The following DSCAM variants were observed in gnomAD, a reference collection of about 807,000 sequenced individuals.
The protein encoded by DSCAM is cell adhesion molecule DSCAM.
DSCAM carries 47 observed loss-of-function variants against 217.7 expected under a neutral mutation model. The ratio of observed to expected loss-of-function variants is 0.22; its 90% CI spans 0.17 to 0.28. DSCAM has a LOEUF of 0.28. Among genes scored for constraint, DSCAM ranks in the 10% least tolerant of loss-of-function variants. DSCAM has a pLI of 1.00. For missense variants in DSCAM, 2,080 were observed against 2,618.3 expected, an observed-to-expected ratio of 0.79 and a Z score of 4.49; for synonymous variants, 1,056 against 1,015.3, an observed-to-expected ratio of 1.04 and a Z score of -0.76.
intron 2 of DSCAM, among the ~76,000 whole-genome samples, chr21:40,704,893 T>G (rs999643995): frequency 1.3e-5 from 2 of 151,976 alleles, no homozygotes; most frequent in African/African-American, 4.8e-5. Flanking sequence ...AGGGGAGCAG[T>G]GGGTGGAAAA....
At chr21:40,556,112 C>T (rs1463585305) in intron 3 of DSCAM, among the ~76,000 whole-genome samples, 1 of 152,118 alleles carries the variant, frequency 6.6e-6, no homozygotes, top group Non-Finnish European at 1.5e-5. Flanking sequence ...ACCTCCAAAC[C>T]AAATCACTAT....
chr21:40,264,597 A>G (rs2073497636), intron 11 of DSCAM, among the ~76,000 whole-genome samples: 2 of 152,208 alleles, frequency 1.3e-5, no homozygotes. Flanking sequence ...CAGAGCCCAC[A>G]TCATACTGAA....
chr21:40,808,332 G>T (rs1026899140), intron 1 of DSCAM, among the ~76,000 whole-genome samples: 5 of 151,950 alleles, frequency 3.3e-5, no homozygotes, highest in African/African-American at 1.2e-4. Context: ...ACAAAAAAAT[G>T]AAAAGAAGCC....
intron 3 of DSCAM, among the ~76,000 whole-genome samples, chr21:40,656,889 G>A (rs2090082826): frequency 6.6e-6 from 1 of 152,180 alleles, no homozygotes. Context: ...TCAAAGTTGA[G>A]AATGTTTTCT....
rs750007818 is a variant in DSCAM, at chr21:40,312,151, A to G, written c.1992T>C (p.Asn664=). 1.9e-6 allele frequency: 3 copies of G among 1,613,904 alleles called. No individual in the cohort carries two copies. Among genetic ancestry groups the G allele is most frequent in the South Asian group, 1.1e-5 (1 of 91,066 alleles). The change falls in exon 9 of 33, where the codon AAT becomes AAC. Residue 664 remains asparagine (N), a synonymous_variant. Coordinates refer to ENST00000400454, the MANE Select transcript of DSCAM (RefSeq NM_001389.5). ...LRISNLSLMH[N]GNYTCIARNE... The stretch of plus-strand genomic sequence containing the variant: ...TCCGGGCTATGCAGGTGTAATTCCC[A>G]TTGTGCATGAGCGAGAGATTGGAAA...
At chr21:40,097,111 G>A (rs1310920501) in intron 20 of DSCAM, among the ~76,000 whole-genome samples, 1 of 151,922 alleles carries the variant, frequency 6.6e-6, no homozygotes, top group African/African-American at 2.4e-5. Context: ...GTAGAAAAAG[G>A]AGGTAATTAT....
intron 12 of DSCAM, among the ~76,000 whole-genome samples, chr21:40,188,433 C>T (rs1010213745): frequency 6.6e-6 from 1 of 152,126 alleles, no homozygotes; most frequent in Admixed American, 6.5e-5. Context: ...GATTCCTTTT[C>T]TAGGAGGATT....
intron 32 of DSCAM, among the ~76,000 whole-genome samples, chr21:40,036,785 G>C (rs1296748864): frequency 1.4e-5 from 2 of 145,778 alleles, no homozygotes; most frequent in South Asian, 4.4e-4. Flanking sequence ...CTGGCAGACC[G>C]AATCCAGCAG....
intron 8 of DSCAM, among the ~76,000 whole-genome samples, chr21:40,331,775 T>C (rs553854720): frequency 2.0e-5 from 3 of 152,362 alleles, no homozygotes; most frequent in Non-Finnish European, 4.4e-5. Context: ...ATTCCTAGCA[T>C]GGCCATTTCA....
Position 40,222,556 on chromosome 21 carries a change from C to T in DSCAM, c.2357-33318G>A, listed in dbSNP as rs116680129. Among the ~76,000 whole-genome samples the T allele has an allele frequency of 2.1e-3, 313 of 152,326 alleles. 1 individual carries two copies. The highest frequency in any genetic ancestry group is 7.2e-3 in the African/African-American group (298 of 41,566). On this transcript the variant is annotated intron_variant, in intron 11 of 32. Transcript: ENST00000400454. ...ACCTCTGTGCGAATTGTATTTTCTT[C>T]ATATGCTTCAACGAACATAACACAT...
intron 3 of DSCAM, among the ~76,000 whole-genome samples, chr21:40,392,391 C>T (rs1243919841): frequency 2.6e-5 from 4 of 152,174 alleles, no homozygotes; most frequent in Non-Finnish European, 5.9e-5. Flanking sequence ...ATAGGCCACA[C>T]TCTTCCTAAA....
At chr21:40,253,929 G>T (rs1243853085) in intron 11 of DSCAM, among the ~76,000 whole-genome samples, 3 of 152,204 alleles carry the variant, frequency 2.0e-5, no homozygotes, top group African/African-American at 7.2e-5. Flanking sequence ...CCCAAGGAGG[G>T]TGTGCTATCT....
At chr21:40,045,806 G>A (rs8129536) in intron 30 of DSCAM, among the ~76,000 whole-genome samples, 19,989 of 152,198 alleles carry the variant, frequency 0.13, 2,407 homozygotes, top group African/African-American at 0.31. Flanking sequence ...TGACAGGGCC[G>A]GCCTGTAATG....
intron 32 of DSCAM, 104 bp downstream of exon 32, chr21:40,042,267 C>A: frequency 8.2e-7 from 1 of 1,216,966 alleles, no homozygotes; most frequent in Non-Finnish European, 1.1e-6. Context: ...AAACAGAGCA[C>A]CCATTTGGTC....
At chr21:40,299,959 T>G (rs2123457917) in intron 9 of DSCAM, among the ~76,000 whole-genome samples, 2 of 152,314 alleles carry the variant, frequency 1.3e-5, no homozygotes, top group Middle Eastern at 6.8e-3. Context: ...GAGCATTTCC[T>G]GAGTACTCAG....
chr21:40,617,230 T>C (rs1314249451), intron 3 of DSCAM, among the ~76,000 whole-genome samples: 1 of 146,172 alleles, frequency 6.8e-6, no homozygotes, highest in Non-Finnish European at 1.5e-5. Flanking sequence ...TTCACGCCAT[T>C]CTCCTGCCTC....
At chr21:40,695,068 T>C (rs1851286368) in intron 2 of DSCAM, among the ~76,000 whole-genome samples, 1 of 152,148 alleles carries the variant, frequency 6.6e-6, no homozygotes, top group South Asian at 2.1e-4. Flanking sequence ...GTGATGCTTG[T>C]TTCTTTGCAA....
chr21:40,693,490 T>A (rs1418845198), intron 2 of DSCAM, among the ~76,000 whole-genome samples: 2 of 152,110 alleles, frequency 1.3e-5, no homozygotes, highest in Non-Finnish European at 2.9e-5. Context: ...CCTGAAGGTA[T>A]CATGAGATAG....
intron 3 of DSCAM, among the ~76,000 whole-genome samples, chr21:40,508,510 T>A (rs892836811): frequency 6.6e-6 from 1 of 151,896 alleles, no homozygotes; most frequent in African/African-American, 2.4e-5. Flanking sequence ...ACTAAACAGT[T>A]TGGCATTTAA....
Sources: gnomAD v4.1 joint callset for allele counts (sites outside exome capture counted in the v4.1 genomes callset) on GRCh38, gnomAD v4.1.1 for gene constraint, MANE v1.5 for transcripts, NCBI Gene and HGNC (gene_info 2026-07-23, HGNC 2026-07-21) for gene names.